GPR161: variants seen among roughly 807,000 people sequenced by gnomAD.
The protein encoded by GPR161 is G-protein coupled receptor RE2.
Under a neutral mutation model 39.2 loss-of-function variants are expected in GPR161, and 25 were observed. The ratio of observed to expected loss-of-function variants is 0.64; its 90% CI spans 0.47 to 0.89. The LOEUF is 0.89. Among genes scored for constraint, GPR161 ranks in the 40% least tolerant of loss-of-function variants. GPR161 has a pLI of 0.00. For missense variants in GPR161, 547 were observed against 677.8 expected, an observed-to-expected ratio of 0.81 and a Z score of 2.14; for synonymous variants, 286 against 276.6, an observed-to-expected ratio of 1.03 and a Z score of -0.34.
At chr1:168,103,416 T>C (rs1026130529) in intron 2 of GPR161, among the ~76,000 whole-genome samples, 60 of 140,200 alleles carry the variant, frequency 4.3e-4, no homozygotes, top group Admixed American at 1.4e-3. Context: ...GGATTACCTC[T>C]ACTACTCAGG....
intron 1 of GPR161, among the ~76,000 whole-genome samples, chr1:168,127,717 G>A (rs1698694397): frequency 6.6e-6 from 1 of 152,140 alleles, no homozygotes; most frequent in South Asian, 2.1e-4. Flanking sequence ...CATGCACTAT[G>A]AGAACAGCAC....
At chr1:168,088,134 A>G (rs1694723119) in intron 4 of GPR161, 1 of 155,692 alleles carries the variant, frequency 6.4e-6, no homozygotes, top group Non-Finnish European at 1.4e-5. Flanking sequence ...TACTAAATAA[A>G]CATGTAAAGC....
Position 168,096,922 on chromosome 1 carries a change from TGAC to T in GPR161, c.682_684del (p.Val228del), listed in dbSNP as rs774043653. The T allele has an allele frequency of 9.1e-5, 147 of 1,614,030 alleles. No homozygotes were observed. The highest frequency in any genetic ancestry group is 1.2e-4 in the Non-Finnish European group (143 of 1,180,038). ...GTCCTCTGAGCATCCTCCTCCACGA[TGAC>T]GACTGTGCCACAGTGCACCTTGCGT... On this transcript the variant is annotated inframe_deletion, in exon 3 of 6. Coordinates refer to ENST00000682931, the MANE Select transcript of GPR161 (RefSeq NM_001375883.1).
Position 168,090,714 on chromosome 1 carries a change from G to A in GPR161, c.1100-46C>T, listed in dbSNP as rs781665523. 1.0e-5 allele frequency: 12 copies of A among 1,155,178 alleles called. No individual in the cohort carries two copies. The Admixed American group carries it at 2.4e-4, about 23-fold the overall frequency. The allele number at this position is 1,155,178 out of a possible 1,614,324, so 71.6% of individuals were successfully genotyped here. The stretch of plus-strand genomic sequence containing the variant: ...TGACAACACAATCACACTCTGCAAG[G>A]AGGGGCCCCAGCCTCCGTTTCCCCA... On this transcript the variant is annotated intron_variant, in intron 3 of 5. Transcript: ENST00000682931.
intron 1 of GPR161, chr1:168,134,929 A>G: frequency 6.5e-7 from 1 of 1,535,718 alleles, no homozygotes; most frequent in Non-Finnish European, 8.7e-7. Context: ...CATTTAGGTC[A>G]GTTCCAGTTC....
intron 1 of GPR161, among the ~76,000 whole-genome samples, chr1:168,119,424 A>G (rs1479909225): frequency 6.6e-6 from 1 of 151,566 alleles, no homozygotes; most frequent in East Asian, 1.9e-4. Context: ...CAACTATTTC[A>G]TGATTCTACT....
chr1:168,134,509 T>C (rs567191717), intron 1 of GPR161, among the ~76,000 whole-genome samples: 10 of 152,224 alleles, frequency 6.6e-5, no homozygotes, highest in South Asian at 2.1e-4. Context: ...TTTGTTCTTA[T>C]AGAAAAACAG....
At chr1:168,110,552 GAAAAGAAA>G in intron 1 of GPR161, among the ~76,000 whole-genome samples, 1 of 82,212 alleles carries the variant, frequency 1.2e-5, no homozygotes, top group South Asian at 3.7e-4. Flanking sequence ...GAAAAGAAAA[GAAAAGAAA>G]AGAAAAGAAA....
At chr1:168,131,373 C>G (rs1698978892) in intron 1 of GPR161, among the ~76,000 whole-genome samples, 1 of 152,146 alleles carries the variant, frequency 6.6e-6, no homozygotes, top group Admixed American at 6.6e-5. Flanking sequence ...TCACAGTTCT[C>G]CAAACACTCA....
At position 168,100,543 on chromosome 1, in the gene GPR161, T is replaced by C. The variant is rs111437781; in HGVS notation, c.375-3311A>G. Reference sequence around the variant, plus strand: ...AGGCTTTCATGACGTCACAGGTAACTGAAAAGTTGTAATGTGGGAAGGGGC... The same window carrying C: ...AGGCTTTCATGACGTCACAGGTAACCGAAAAGTTGTAATGTGGGAAGGGGC... On this transcript the variant is annotated intron_variant, in intron 2 of 5. Transcript: ENST00000682931. Among the ~76,000 whole-genome samples, 442 of 152,270 alleles carry C rather than the reference T, an allele frequency of 2.9e-3. 1 individual carries two copies. The highest frequency in any genetic ancestry group is 0.01 in the African/African-American group (420 of 41,566).
chr1:168,096,133 CAAAAAAAAAAAAA>C (rs58096092), intron 3 of GPR161, among the ~76,000 whole-genome samples: 3 of 44,738 alleles, frequency 6.7e-5, no homozygotes, highest in African/African-American at 1.6e-4. Flanking sequence ...GACCCTGTCT[CAAAAAAAAAAAAA>C]AAAAAAAAAA....
upstream of GPR161, chr1:168,137,501 G>T: frequency 9.7e-7 from 1 of 1,034,116 alleles, no homozygotes. Flanking sequence ...CCCGGGGAGT[G>T]GGGAGTGGAC....
At position 168,083,505 on chromosome 1, in the gene GPR161, C is replaced by T. The variant is rs908245142; in HGVS notation, c.*2026G>A. 1.3e-5 allele frequency: 2 copies of T among 152,212 alleles called. No individual in the cohort carries two copies. Among genetic ancestry groups the T allele is most frequent in the Admixed American group, 1.3e-4 (2 of 15,278 alleles). The allele number at this position is 152,212 out of a possible 1,614,324, so 9.4% of individuals were successfully genotyped here. The stretch of plus-strand genomic sequence containing the variant: ...TAAAGGTCTCTCTGCCCTGTTCCAC[C>T]TCTGTGCACACTAGTTGATCAGGAA... On this transcript the variant is annotated 3_prime_UTR_variant, in exon 6 of 6. Transcript: ENST00000682931.
At chr1:168,135,118 G>T in intron 1 of GPR161, 1 of 1,424,454 alleles carries the variant, frequency 7.0e-7, no homozygotes, top group Non-Finnish European at 9.2e-7. Context: ...TTAATGAGGG[G>T]TCTCTATTCT....
At chr1:168,130,313 C>T (rs187621148) in intron 1 of GPR161, among the ~76,000 whole-genome samples, 1 of 152,306 alleles carries the variant, frequency 6.6e-6, no homozygotes, top group African/African-American at 2.4e-5. Flanking sequence ...TCAGCATCTT[C>T]GAACTTCCTT....
intron 5 of GPR161, 66 bp downstream of exon 5, chr1:168,087,519 G>A: frequency 1.3e-6 from 2 of 1,585,210 alleles, no homozygotes; most frequent in Non-Finnish European, 1.7e-6. Flanking sequence ...CCTGAGCCAA[G>A]GAATTGTCCT....
chr1:168,128,887 G>T (rs1698784406), intron 1 of GPR161, among the ~76,000 whole-genome samples: 1 of 152,054 alleles, frequency 6.6e-6, no homozygotes, highest in African/African-American at 2.4e-5. Context: ...ACTGCCACTG[G>T]TTTCTGGACA....
At chr1:168,132,137 C>T (rs370949244) in intron 1 of GPR161, among the ~76,000 whole-genome samples, 4 of 152,126 alleles carry the variant, frequency 2.6e-5, no homozygotes, top group South Asian at 2.1e-4. Context: ...TGGTGGCGCA[C>T]GCCTGTAACC....
At chr1:168,095,862 T>C (rs757672560) in intron 3 of GPR161, among the ~76,000 whole-genome samples, 1 of 152,126 alleles carries the variant, frequency 6.6e-6, no homozygotes, top group Non-Finnish European at 1.5e-5. Flanking sequence ...AGGCCTGGCA[T>C]GGTGGCTCAC....
Sources: allele counts gnomAD v4.1 joint callset (sites outside exome capture counted in the v4.1 genomes callset), GRCh38; gene constraint gnomAD v4.1.1; transcripts MANE v1.5; gene names NCBI Gene and HGNC (gene_info 2026-07-23, HGNC 2026-07-21).